The following SYNPR variants were observed in gnomAD, a reference collection of about 807,000 sequenced individuals.
SYNPR encodes the protein synaptoporin.
Under a neutral mutation model 32.9 loss-of-function variants are expected in SYNPR, and 23 were observed. The ratio of observed to expected loss-of-function variants is 0.70; its 90% CI spans 0.50 to 0.99. The LOEUF (loss-of-function observed/expected upper bound fraction) is 0.99, where lower values mean the gene tolerates loss of function less well. Ranked by LOEUF, SYNPR falls within the 50% of genes least tolerant of loss-of-function variation. The pLI is 0.00. For synonymous variants in SYNPR, 146 were observed against 135.9 expected (o/e 1.07, Z -0.52); for missense variants, 318 against 349.3 (o/e 0.91, Z 0.71).
intron 2 of SYNPR, among the ~76,000 whole-genome samples, chr3:63,306,165 C>T (rs2106947242): frequency 6.6e-6 from 1 of 152,034 alleles, no homozygotes; most frequent in South Asian, 2.1e-4. Flanking sequence ...TTTTGTAAGT[C>T]CCAGGAGGCA....
chr3:63,242,562 T>C (rs2086256725), intron 1 of SYNPR, among the ~76,000 whole-genome samples: 1 of 152,080 alleles, frequency 6.6e-6, no homozygotes, highest in South Asian at 2.1e-4. Flanking sequence ...AAAAATCAAC[T>C]GACTTCAAAT....
chr3:63,593,133 G>A (rs576249155), intron 4 of SYNPR, among the ~76,000 whole-genome samples: 1 of 152,108 alleles, frequency 6.6e-6, no homozygotes, highest in Admixed American at 6.6e-5. Context: ...AATGTAGAGG[G>A]CTTAGCACAG....
intron 2 of SYNPR, among the ~76,000 whole-genome samples, chr3:63,475,138 C>A (rs779941245): frequency 1.3e-5 from 2 of 152,130 alleles, no homozygotes; most frequent in Non-Finnish European, 2.9e-5. Flanking sequence ...CTAGAAAACA[C>A]AGGACAATTT....
intron 2 of SYNPR, among the ~76,000 whole-genome samples, chr3:63,435,182 A>G (rs1700059086): frequency 6.6e-6 from 1 of 152,216 alleles, no homozygotes; most frequent in Non-Finnish European, 1.5e-5. Context: ...TTGGAAACAG[A>G]CAACCCAGGT....
At chr3:63,480,783 C>T in intron 2 of SYNPR, 49 bp from the exon 3 acceptor site, 1 of 1,599,974 alleles carries the variant, frequency 6.3e-7, no homozygotes, top group Non-Finnish European at 8.5e-7. Flanking sequence ...CTCATTAGAG[C>T]AACATCATCC....
chr3:63,511,681 G>T (rs1234472781), intron 3 of SYNPR, among the ~76,000 whole-genome samples: 1 of 152,030 alleles, frequency 6.6e-6, no homozygotes, highest in Non-Finnish European at 1.5e-5. Context: ...CATCTGAGTA[G>T]CTTTTCTTAA....
chr3:63,560,471 T>A (rs1476111509), intron 4 of SYNPR, among the ~76,000 whole-genome samples: 1 of 152,208 alleles, frequency 6.6e-6, no homozygotes, highest in East Asian at 1.9e-4. Flanking sequence ...AAGAAAACTT[T>A]CAAATACTAG....
chr3:63,289,857 G>A (rs528206275), intron 2 of SYNPR, among the ~76,000 whole-genome samples: 17 of 152,212 alleles, frequency 1.1e-4, no homozygotes, highest in South Asian at 4.2e-4. Flanking sequence ...TCAGCCGGGC[G>A]CGGTGTCTCA....
chr3:63,312,619 A>AC (rs1426236147), intron 2 of SYNPR, among the ~76,000 whole-genome samples: 1 of 151,970 alleles, frequency 6.6e-6, no homozygotes, highest in Non-Finnish European at 1.5e-5. Context: ...ACCTGTGTCT[A>AC]CCCACATGCT....
At chr3:63,211,351 G>C in the SYNPR span, among the ~76,000 whole-genome samples, 2 of 152,148 alleles carry the variant, frequency 1.3e-5, no homozygotes, top group East Asian at 1.9e-4. Flanking sequence ...ACAGGCATGA[G>C]CCACCGTGCC....
intron 2 of SYNPR, among the ~76,000 whole-genome samples, chr3:63,414,799 T>C (rs2088517928): frequency 6.6e-6 from 1 of 152,220 alleles, no homozygotes; most frequent in African/African-American, 2.4e-5. Context: ...TTTGCACATA[T>C]AATGAAGTTA....
intron 4 of SYNPR, among the ~76,000 whole-genome samples, chr3:63,569,742 G>C (rs1056396243): frequency 2.6e-5 from 4 of 152,200 alleles, no homozygotes; most frequent in Non-Finnish European, 5.9e-5. Flanking sequence ...AAAAAGTGAA[G>C]TTCAAAACCA....
intron 3 of SYNPR, among the ~76,000 whole-genome samples, chr3:63,553,689 A>AT (rs775996292): frequency 6.6e-5 from 10 of 151,820 alleles, no homozygotes; most frequent in Non-Finnish European, 1.5e-4. Flanking sequence ...ATTTTTTAAT[A>AT]TTTTTTTGGC....
At position 63,480,858 on chromosome 3, in the gene SYNPR, A is replaced by G; in HGVS notation, c.111A>G (p.Thr37=). 1 of 1,613,580 alleles carries G rather than the reference A, an allele frequency of 6.2e-7. No individual in the cohort carries two copies. Among genetic ancestry groups the G allele is most frequent in the Non-Finnish European group, 8.5e-7 (1 of 1,179,578 alleles). The change falls in exon 3 of 6, where the codon ACA becomes ACG. Residue 37 remains threonine, a synonymous_variant. Coordinates refer to ENST00000478300, the MANE Select transcript of SYNPR (RefSeq NM_001130003.2). ...TTTTTGCAATCTTTGCATTTGCAAC[A>G]TGCGGTGGCTATTCTGGAGGCCTGC... ...ELLFAIFAFA[T]CGGYSGGLRL...
At chr3:63,321,718 A>C (rs1241845330) in intron 2 of SYNPR, among the ~76,000 whole-genome samples, 1 of 152,094 alleles carries the variant, frequency 6.6e-6, no homozygotes, top group African/African-American at 2.4e-5. Flanking sequence ...TAAAGTCTGA[A>C]ATTATAACCT....
chr3:63,490,789 G>A (rs970287137), intron 3 of SYNPR, among the ~76,000 whole-genome samples: 5 of 152,054 alleles, frequency 3.3e-5, no homozygotes, highest in East Asian at 1.9e-4. Context: ...TTGAGATGGA[G>A]TCTCACTCTG....
chr3:63,452,563 T>C (rs1322269591), intron 2 of SYNPR, among the ~76,000 whole-genome samples: 2 of 152,168 alleles, frequency 1.3e-5, no homozygotes, highest in East Asian at 3.9e-4. Context: ...TTTGCATAGA[T>C]GACATTTATG....
At chr3:63,420,361 C>A (rs1458660947) in intron 2 of SYNPR, among the ~76,000 whole-genome samples, 1 of 152,060 alleles carries the variant, frequency 6.6e-6, no homozygotes, top group African/African-American at 2.4e-5. Flanking sequence ...ATTGGTATAG[C>A]AGTAATCAAA....
chr3:63,413,055 T>C (rs1462369572), intron 2 of SYNPR, among the ~76,000 whole-genome samples: 4 of 152,198 alleles, frequency 2.6e-5, no homozygotes, highest in Non-Finnish European at 4.4e-5. Context: ...AGCACAACAA[T>C]TGAAAAATAC....
Sources: allele counts gnomAD v4.1 joint callset (sites outside exome capture counted in the v4.1 genomes callset), GRCh38; gene constraint gnomAD v4.1.1; transcripts MANE v1.5; gene names NCBI Gene and HGNC (gene_info 2026-07-23, HGNC 2026-07-21).